SYT4: variants seen among roughly 807,000 people sequenced by gnomAD.
SYT4 encodes synaptotagmin-4.
SYT4 carries 7 observed loss-of-function variants against 32.9 expected under a neutral mutation model. That is an observed-to-expected ratio of 0.21 (90% CI 0.12 to 0.40). SYT4 has a LOEUF of 0.40. Among genes scored for constraint, SYT4 ranks in the 10% least tolerant of loss-of-function variants. The probability of loss-of-function intolerance (pLI) is 1.00; values close to 1 mark genes in which losing one functional copy is unlikely to be tolerated. For missense variants in SYT4, 480 were observed against 488.0 expected (o/e 0.98, Z 0.16); for synonymous variants, 205 against 186.2 (o/e 1.10, Z -0.82).
rs16977447 is a variant in SYT4, at chr18:43,274,004, C to T, written c.425G>A (p.Ser142Asn). Residue 142 changes from serine (S) to asparagine (N), a missense_variant, in exon 2 of 4, where the codon AGC becomes AAC. Ser to Asn is a conservative substitution (Grantham distance 46). Coordinates refer to ENST00000255224, the MANE Select transcript of SYT4 (RefSeq NM_020783.4). ...ESVSPESLKS[S>N]TSLTSEEKQE... ...TTTCTCTTCTGAAGTAAGGGAAGTG[C>T]TGGACTTTAAACTCTCAGGGGAAAC... 10,689 of 1,613,878 alleles carry T rather than the reference C, an allele frequency of 6.6e-3. 574 individuals are homozygous for T. The African/African-American group carries it at 0.12, about 18-fold the overall frequency.
Position 43,270,135 on chromosome 18 carries a change from T to C in SYT4, c.*206A>G, listed in dbSNP as rs1908581108. On this transcript the variant is annotated 3_prime_UTR_variant, in exon 4 of 4. Transcript: ENST00000255224. ...GGAGATATTGAATATCTTATGAAAA[T>C]TTATCCAACTCTTCTAATAAATAGG... 2 of 576,478 alleles carry C rather than the reference T, an allele frequency of 3.5e-6. No homozygotes were observed. The highest frequency in any genetic ancestry group is 6.4e-5 in the Admixed American group (2 of 31,158). The allele number at this position is 576,478 out of a possible 1,614,324, so 35.7% of individuals were successfully genotyped here. A position where few individuals can be genotyped will look rare whatever the true frequency, so the allele number is the denominator to read the frequency against.
At chr18:43,271,614 T>C in intron 3 of SYT4, 98 bp downstream of exon 3, 1 of 1,484,704 alleles carries the variant, frequency 6.7e-7, no homozygotes, top group Non-Finnish European at 9.1e-7. Flanking sequence ...ACATAAGGTA[T>C]TAGAGAAAAG....
In SYT4 at chr18:43,269,725, A is replaced by C. The variant is rs923444308; in HGVS notation, c.*616T>G. ...TGTTCTCAACTCAGCCCTTTGATAA[A>C]ATAATTTCTCAGCTTGTTCACTGTC... is the stretch of plus-strand genomic sequence containing the variant. On this transcript the variant is annotated 3_prime_UTR_variant, in exon 4 of 4. Coordinates refer to ENST00000255224, the MANE Select transcript of SYT4 (RefSeq NM_020783.4). The C allele has an allele frequency of 1.3e-5, 2 of 153,062 alleles. No individual in the cohort carries two copies. Among genetic ancestry groups the C allele is most frequent in the African/African-American group, 4.8e-5 (2 of 41,454 alleles). 9.5% of individuals were successfully genotyped at this position (153,062 alleles called of 1,614,324 possible). A position where few individuals can be genotyped will look rare whatever the true frequency, so the allele number is the denominator to read the frequency against.
In SYT4 at chr18:43,271,812, C is replaced by A. The variant is rs970502554; in HGVS notation, c.870G>T (p.Glu290Asp). 6.2e-7 allele frequency: 1 copy of A among 1,612,720 alleles called. No individual in the cohort carries two copies. Among genetic ancestry groups the A allele is most frequent in the African/African-American group, 1.3e-5 (1 of 74,866 alleles). Reference protein sequence around the residue: ...RNVRKSSGRGELLISLCYQST... With the variant: ...RNVRKSSGRGDLLISLCYQST... ...ACTGATAGCAGAGAGAGATCAGTAA[C>A]TCACCCCGTCCTGAAGACTTCTGCA... is the stretch of plus-strand genomic sequence containing the variant. The change falls in exon 3 of 4, where the codon GAG becomes GAT. Residue 290 changes from glutamate (E) to aspartate (D), a missense_variant. Glu to Asp is a conservative substitution (Grantham distance 45). Transcript: ENST00000255224.
intron 1 of SYT4, among the ~76,000 whole-genome samples, chr18:43,275,234 A>G (rs78034700): frequency 3.9e-4 from 59 of 152,278 alleles, no homozygotes; most frequent in African/African-American, 1.4e-3. Context: ...TGGCATGGCA[A>G]ATGATAATCA....
At chr18:43,272,251 C>CA (rs1908654609) in intron 2 of SYT4, 1 of 152,236 alleles carries the variant, frequency 6.6e-6, no homozygotes, top group South Asian at 2.1e-4. Flanking sequence ...CATACTCATG[C>CA]AAAAAATTAG....
At chr18:43,276,432 G>C (rs17721960) in intron 1 of SYT4, among the ~76,000 whole-genome samples, 10,724 of 152,116 alleles carry the variant, frequency 0.07, 436 homozygotes, top group South Asian at 0.083. Context: ...GTAAAATTCT[G>C]ACCTTTTTCC....
In SYT4 at chr18:43,270,237, C is replaced by T; in HGVS notation, c.*104G>A. 2 of 1,261,408 alleles carry T rather than the reference C, an allele frequency of 1.6e-6. No individual in the cohort carries two copies. Among genetic ancestry groups the T allele is most frequent in the Admixed American group, 4.5e-5 (2 of 44,906 alleles). The allele number at this position is 1,261,408 out of a possible 1,614,324, so 78.1% of individuals were successfully genotyped here. ...CCATTTCTAGCAACAACAACAACAA[C>T]AAAAAGGTAGCTTGATTTCCCAAGC... On this transcript the variant is annotated 3_prime_UTR_variant, in exon 4 of 4. Transcript: ENST00000255224.
chr18:43,277,386 G>T lies in SYT4; in HGVS notation c.-105C>A. ...CTTTCGGAGCGCTGAAAACAACAGC[G>T]CAGAGCCCAGGGCACCAGCTCCTGG... is the stretch of plus-strand genomic sequence containing the variant. On this transcript the variant is annotated 5_prime_UTR_variant, in exon 1 of 4. Coordinates refer to ENST00000255224, the MANE Select transcript of SYT4 (RefSeq NM_020783.4). The T allele has an allele frequency of 7.3e-7, 1 of 1,374,448 alleles. No homozygotes were observed. Among genetic ancestry groups the T allele is most frequent in the Non-Finnish European group, 1.0e-6 (1 of 967,530 alleles). 85.1% of individuals were successfully genotyped at this position (1,374,448 alleles called of 1,614,324 possible). A position where few individuals can be genotyped will look rare whatever the true frequency, so the allele number is the denominator to read the frequency against.
At position 43,269,662 on chromosome 18, in the gene SYT4, T is replaced by TA. The variant is rs1176458649; in HGVS notation, c.*678dup. On this transcript the variant is annotated 3_prime_UTR_variant, in exon 4 of 4. Transcript: ENST00000255224. ...ATTTTACAAAATTTTGACTCACATG[T>TA]AACCTTAGGGGGGAGAAAAATTATA... 6.5e-6 allele frequency: 1 copy of TA among 152,760 alleles called. No homozygotes were observed. The highest frequency in any genetic ancestry group is 1.5e-5 in the Non-Finnish European group (1 of 68,132). 9.5% of individuals were successfully genotyped at this position (152,760 alleles called of 1,614,324 possible). A position where few individuals can be genotyped will look rare whatever the true frequency, so the allele number is the denominator to read the frequency against.
chr18:43,270,066 A>G lies in SYT4; in HGVS notation c.*275T>C. On this transcript the variant is annotated 3_prime_UTR_variant, in exon 4 of 4. Coordinates refer to ENST00000255224, the MANE Select transcript of SYT4 (RefSeq NM_020783.4). ...AATTTGGGATTCTGGCACAGTATTCATAAAATGTCTGACTATTCCTAGTTA... is the reference window on the plus strand; with the variant it reads ...AATTTGGGATTCTGGCACAGTATTCGTAAAATGTCTGACTATTCCTAGTTA... The G allele has an allele frequency of 2.5e-6, 1 of 403,768 alleles. No homozygotes were observed. The highest frequency in any genetic ancestry group is 4.4e-6 in the Non-Finnish European group (1 of 225,050). The allele number at this position is 403,768 out of a possible 1,614,324, so 25.0% of individuals were successfully genotyped here.
chr18:43,274,088 C>T lies in SYT4; in HGVS notation c.341G>A (p.Ser114Asn). Reference sequence around the variant, plus strand: ...GGTTGCATTCTCCAGATCAGAAGGACTGCCAGGTTTGAGGTTGGTTTTGGG... The same window carrying T: ...GGTTGCATTCTCCAGATCAGAAGGATTGCCAGGTTTGAGGTTGGTTTTGGG... ...NFPKTNLKPG[S>N]PSDLENATPK... Residue 114 changes from serine (S) to asparagine (N), a missense_variant, in exon 2 of 4, where the codon AGT (serine) becomes AAT (asparagine). Transcript: ENST00000255224. The T allele has an allele frequency of 6.2e-7, 1 of 1,614,076 alleles. No homozygotes were observed. Among genetic ancestry groups the T allele is most frequent in the East Asian group, 2.2e-5 (1 of 44,870 alleles).
At chr18:43,271,524 C>T (rs562662921) in intron 3 of SYT4, among the ~76,000 whole-genome samples, 188 bp downstream of exon 3, 32 of 152,024 alleles carry the variant, frequency 2.1e-4, no homozygotes, top group Non-Finnish European at 4.1e-4. Context: ...TCTCATTGTG[C>T]TATACAACAT....
Position 43,277,383 on chromosome 18 carries a change from A to G in SYT4, c.-102T>C. 1 of 1,413,624 alleles carries G rather than the reference A, an allele frequency of 7.1e-7. No homozygotes were observed. Among genetic ancestry groups the G allele is most frequent in the Non-Finnish European group, 1.0e-6 (1 of 1,001,654 alleles). 87.6% of individuals were successfully genotyped at this position (1,413,624 alleles called of 1,614,324 possible). A position where few individuals can be genotyped will look rare whatever the true frequency, so the allele number is the denominator to read the frequency against. The stretch of plus-strand genomic sequence containing the variant: ...CGGCTTTCGGAGCGCTGAAAACAAC[A>G]GCGCAGAGCCCAGGGCACCAGCTCC... On this transcript the variant is annotated 5_prime_UTR_variant, in exon 1 of 4. Transcript: ENST00000255224.
At position 43,273,570 on chromosome 18, in the gene SYT4, A is replaced by G; in HGVS notation, c.849+10T>C. The G allele has an allele frequency of 6.4e-7, 1 of 1,573,018 alleles. No individual in the cohort carries two copies. Among genetic ancestry groups the G allele is most frequent in the Non-Finnish European group, 8.6e-7 (1 of 1,159,128 alleles). ...GTTTATAAATACTTTAAGCACTGAA[A>G]ATAAATTACCCTAACATTTCTCTTG... On this transcript the variant is annotated intron_variant, in intron 2 of 3. Coordinates refer to ENST00000255224, the MANE Select transcript of SYT4 (RefSeq NM_020783.4).
chr18:43,273,390 A>G (rs1908689398), intron 2 of SYT4, among the ~76,000 whole-genome samples, 190 bp downstream of exon 2: 1 of 152,074 alleles, frequency 6.6e-6, no homozygotes, highest in Non-Finnish European at 1.5e-5. Context: ...CACTTTGAGT[A>G]TTTCAGTTAT....
intron 2 of SYT4, chr18:43,272,186 G>A (rs1598664041): frequency 6.3e-6 from 1 of 159,110 alleles, no homozygotes; most frequent in Non-Finnish European, 1.4e-5. Flanking sequence ...GTTATTAATA[G>A]TAATAAAGCT....
intron 1 of SYT4, among the ~76,000 whole-genome samples, chr18:43,276,943 G>A (rs1908813752): frequency 6.6e-6 from 1 of 151,918 alleles, no homozygotes; most frequent in African/African-American, 2.4e-5. Context: ...AACCAACATG[G>A]GAAAAACAGA....
intron 1 of SYT4, among the ~76,000 whole-genome samples, chr18:43,275,090 G>C (rs1390968196): frequency 6.6e-6 from 1 of 152,030 alleles, no homozygotes; most frequent in Non-Finnish European, 1.5e-5. Flanking sequence ...ATTATACAAA[G>C]TATAAATTAA....
Sources: gnomAD v4.1 joint callset for allele counts (sites outside exome capture counted in the v4.1 genomes callset) on GRCh38, gnomAD v4.1.1 for gene constraint, MANE v1.5 for transcripts, NCBI Gene and HGNC (gene_info 2026-07-23, HGNC 2026-07-21) for gene names.